The following MPI variants were observed in gnomAD, a reference collection of about 807,000 sequenced individuals.
MPI encodes mannose phosphate isomerase.
MPI carries 33 observed loss-of-function variants against 40.1 expected under a neutral mutation model. That is an observed-to-expected ratio of 0.82 (90% CI 0.62 to 1.10). MPI has a LOEUF of 1.10. MPI is among the 50% of genes least tolerant of loss of function. MPI has a pLI of 0.00. For missense variants in MPI, 514 were observed against 524.1 expected, an observed-to-expected ratio of 0.98 and a Z score of 0.19; for synonymous variants, 187 against 207.4, an observed-to-expected ratio of 0.90 and a Z score of 0.85.
chr15:74,896,383 A>G (rs780589968), intron 6 of MPI, 58 bp downstream of exon 6: 2 of 1,598,726 alleles, frequency 1.3e-6, no homozygotes, highest in Non-Finnish European at 1.7e-6. Flanking sequence ...CTGTTTCCCT[A>G]TCTGGACAAA....
In MPI at chr15:74,893,290, A is replaced by C; in HGVS notation, c.640A>C (p.Asn214His). Residue 214 changes from asparagine to histidine, a missense_variant, in exon 5 of 8, where the codon AAC (asparagine) becomes CAC (histidine). Physicochemically the swap from Asn to His is moderately conservative, Grantham distance 68. Coordinates refer to ENST00000352410, the MANE Select transcript of MPI (RefSeq NM_002435.3). ...GAAGAAGGTGGTGGTGGAACAGCTC[A>C]ACCTGTTGGTGAAGCGGATCTCCCA... ...SEKKVVVEQL[N>H]LLVKRISQQA... 6.2e-7 allele frequency: 1 copy of C among 1,614,240 alleles called. No individual in the cohort carries two copies. The highest frequency in any genetic ancestry group is 8.5e-7 in the Non-Finnish European group (1 of 1,180,036).
At position 74,893,299 on chromosome 15, in the gene MPI, G is replaced by C. The variant is rs774351484; in HGVS notation, c.649G>C (p.Val217Leu). 3 of 1,614,226 alleles carry C rather than the reference G, an allele frequency of 1.9e-6. No individual in the cohort carries two copies. Among genetic ancestry groups the C allele is most frequent in the Non-Finnish European group, 2.5e-6 (3 of 1,180,020 alleles). ...GGTGGTGGAACAGCTCAACCTGTTG[G>C]TGAAGCGGATCTCCCAGCAAGGTGG... ...KVVVEQLNLLVKRISQQAAAG... is the reference protein window; with the variant it reads ...KVVVEQLNLLLKRISQQAAAG... The change falls in exon 5 of 8, where the codon GTG (valine) becomes CTG (leucine). Residue 217 changes from valine to leucine, a missense_variant. Transcript: ENST00000352410.
At position 74,896,182 on chromosome 15, in the gene MPI, T is replaced by G; in HGVS notation, c.701T>G (p.Phe234Cys). Residue 234 changes from phenylalanine (F) to cysteine (C), a missense_variant, in exon 6 of 8, where the codon TTT becomes TGT. Coordinates refer to ENST00000352410, the MANE Select transcript of MPI (RefSeq NM_002435.3). ...GCCGGAAACAACATGGAGGACATCT[T>G]TGGGGAGCTTTTGCTACAGCTGCAC... ...AAAGNNMEDI[F>C]GELLLQLHQQ... 1.2e-6 allele frequency: 2 copies of G among 1,614,158 alleles called. No homozygotes were observed. Among genetic ancestry groups the G allele is most frequent in the Non-Finnish European group, 1.7e-6 (2 of 1,180,034 alleles).
Position 74,891,552 on chromosome 15 carries a change from C to T in MPI, c.318C>T (p.Pro106=). 2 of 1,614,216 alleles carry T rather than the reference C, an allele frequency of 1.2e-6. No homozygotes were observed. Among genetic ancestry groups the T allele is most frequent in the Non-Finnish European group, 1.7e-6 (2 of 1,180,042 alleles). ...FLFKVLSVET[P]LSIQAHPNKE... ...TCAAAGTGCTCTCAGTTGAAACACCCCTGTCCATCCAGGCACACCCTAACA... is the reference window on the plus strand; with the variant it reads ...TCAAAGTGCTCTCAGTTGAAACACCTCTGTCCATCCAGGCACACCCTAACA... The change falls in exon 3 of 8, where the codon CCC becomes CCT. Residue 106 remains proline, a synonymous_variant. Transcript: ENST00000352410.
intron 3 of MPI, among the ~76,000 whole-genome samples, chr15:74,892,398 C>G (rs1311402581): frequency 6.6e-6 from 1 of 152,244 alleles, no homozygotes; most frequent in Non-Finnish European, 1.5e-5. Context: ...TTTGGGTTTC[C>G]TGATTCACAG....
Position 74,899,231 on chromosome 15 carries a change from TC to T in MPI, c.*1503del, listed in dbSNP as rs1322027175. 6.6e-6 allele frequency: 1 copy of T among 152,196 alleles called. No individual in the cohort carries two copies. Among genetic ancestry groups the T allele is most frequent in the Admixed American group, 6.5e-5 (1 of 15,272 alleles). The allele number at this position is 152,196 out of a possible 1,614,324, so 9.4% of individuals were successfully genotyped here. On this transcript the variant is annotated 3_prime_UTR_variant, in exon 8 of 8. Transcript: ENST00000352410. ...GAGGTTTCTGACCTGCAATCGTAGA[TC>T]CTGTCACCACAGACTAATCACTTAG... is the stretch of plus-strand genomic sequence containing the variant.
chr15:74,894,732 A>T (rs2141204051), intron 5 of MPI, among the ~76,000 whole-genome samples: 1 of 150,132 alleles, frequency 6.7e-6, no homozygotes, highest in Admixed American at 6.6e-5. Flanking sequence ...GGTTGCAGTG[A>T]GTCTAGATTG....
At chr15:74,891,143 A>T (rs896377133) in intron 2 of MPI, 1 of 621,432 alleles carries the variant, frequency 1.6e-6, no homozygotes, top group Admixed American at 2.6e-5. Context: ...ACATCTAAAG[A>T]AGGGAAATAA....
intron 4 of MPI, 43 bp downstream of exon 4, chr15:74,892,845 G>T: frequency 6.2e-7 from 1 of 1,613,240 alleles, no homozygotes; most frequent in Non-Finnish European, 8.5e-7. Flanking sequence ...CTGGGCCAGG[G>T]ATACCTGGGG....
chr15:74,890,776 C>T (rs896472080), intron 2 of MPI, 122 bp downstream of exon 2: 1 of 1,377,906 alleles, frequency 7.3e-7, no homozygotes, highest in Non-Finnish European at 1.0e-6. Flanking sequence ...CCACTTGGCT[C>T]TTCAGGCTAA....
chr15:74,890,281 G>C (rs192295788), intron 1 of MPI, 192 bp downstream of exon 1: 7 of 917,860 alleles, frequency 7.6e-6, no homozygotes, highest in Non-Finnish European at 1.2e-5. Context: ...ACGTCGTGCC[G>C]TGGGATAGGT....
intron 5 of MPI, among the ~76,000 whole-genome samples, chr15:74,894,296 C>T (rs541473414): frequency 3.3e-5 from 5 of 151,898 alleles, no homozygotes; most frequent in South Asian, 2.1e-4. Context: ...GTTGCCTAGG[C>T]GGGTCTCGAA....
Position 74,891,369 on chromosome 15 carries a change from G to A in MPI, c.145-10G>A. On this transcript the variant is annotated splice_polypyrimidine_tract_variant and intron_variant, in intron 2 of 7. Transcript: ENST00000352410. The stretch of plus-strand genomic sequence containing the variant: ...TCCCCCTTCCCCTCCCAAGTTTCCT[G>A]TCTTTCCAGTTGTGGATGGGGACTC... The A allele has an allele frequency of 1.2e-6, 2 of 1,613,844 alleles. No homozygotes were observed. Among genetic ancestry groups the A allele is most frequent in the Non-Finnish European group, 1.7e-6 (2 of 1,179,942 alleles).
chr15:74,892,116 C>T (rs1012468831), intron 3 of MPI, among the ~76,000 whole-genome samples: 3 of 152,114 alleles, frequency 2.0e-5, no homozygotes, highest in African/African-American at 4.8e-5. Context: ...GCTTCAGCCT[C>T]GCAAATAGCT....
chr15:74,894,795 A>T (rs1161113276), intron 5 of MPI, among the ~76,000 whole-genome samples: 1 of 149,146 alleles, frequency 6.7e-6, no homozygotes, highest in South Asian at 2.1e-4. Context: ...TCGGAAAAAA[A>T]AAAAAGAAAA....
At chr15:74,893,676 G>C (rs944470664) in intron 5 of MPI, 15 of 577,914 alleles carry the variant, frequency 2.6e-5, no homozygotes, top group Non-Finnish European at 4.0e-5. Flanking sequence ...AAGGGGACAC[G>C]AGCATCCTCC....
chr15:74,897,628 G>C lies in MPI; in HGVS notation c.1170G>C (p.Leu390=). The change falls in exon 8 of 8, where the codon CTG becomes CTC. Residue 390 remains leucine, a synonymous_variant. Transcript: ENST00000352410. ...CCACAACCCAGACACCAATCCCTCT[G>C]CAACGTGGTGGCGTGCTCTTCATTG... is the stretch of plus-strand genomic sequence containing the variant. ...STPTTQTPIP[L]QRGGVLFIGA... 1 of 1,614,198 alleles carries C rather than the reference G, an allele frequency of 6.2e-7. No homozygotes were observed.
intron 4 of MPI, 85 bp downstream of exon 4, chr15:74,892,887 G>A (rs578190678): frequency 1.2e-5 from 20 of 1,600,610 alleles, no homozygotes; most frequent in South Asian, 7.7e-5. Flanking sequence ...GGCTGAGAAC[G>A]GGTCACATGT....
Position 74,897,670 on chromosome 15 carries a change from C to T in MPI, c.1212C>T (p.Val404=), listed in dbSNP as rs2064843052. The T allele has an allele frequency of 1.2e-6, 2 of 1,614,194 alleles. No individual in the cohort carries two copies. Among genetic ancestry groups the T allele is most frequent in the Non-Finnish European group, 1.7e-6 (2 of 1,180,028 alleles). ...TCTTCATTGGGGCCAATGAGAGTGTCTCACTGAAGCTTACTGAGCCGAAGG... is the reference window on the plus strand; with the variant it reads ...TCTTCATTGGGGCCAATGAGAGTGTTTCACTGAAGCTTACTGAGCCGAAGG... ...GVLFIGANES[V]SLKLTEPKDL... is the part of the protein sequence containing the mutation. Residue 404 remains valine, a synonymous_variant, in exon 8 of 8, where the codon GTC becomes GTT. Coordinates refer to ENST00000352410, the MANE Select transcript of MPI (RefSeq NM_002435.3).
Sources: gnomAD v4.1 joint callset for allele counts (sites outside exome capture counted in the v4.1 genomes callset) on GRCh38, gnomAD v4.1.1 for gene constraint, MANE v1.5 for transcripts, NCBI Gene and HGNC (gene_info 2026-07-23, HGNC 2026-07-21) for gene names.